TSEN34: variants seen among roughly 807,000 people sequenced by gnomAD.
TSEN34 encodes tRNA splicing endonuclease subunit 34, also known as tRNA-splicing endonuclease subunit Sen34.
TSEN34 carries 25 observed loss-of-function variants against 30.2 expected under a neutral mutation model. That is an observed-to-expected ratio of 0.83 (90% CI 0.60 to 1.16). The LOEUF (loss-of-function observed/expected upper bound fraction) is 1.16. Among genes scored for constraint, TSEN34 ranks in the 50% most tolerant of loss-of-function variants. TSEN34 has a pLI of 0.00. For missense variants in TSEN34, 475 were observed against 411.9 expected, an observed-to-expected ratio of 1.15 and a Z score of -1.33; for synonymous variants, 209 against 177.4, an observed-to-expected ratio of 1.18 and a Z score of -1.41.
At chr19:54,192,060 G>T in intron 2 of TSEN34, 56 bp from the exon 3 acceptor site, 16 of 1,614,146 alleles carry the variant, frequency 9.9e-6, no homozygotes, top group Non-Finnish European at 1.4e-5. Flanking sequence ...TCTCCCTGAG[G>T]GTGAGAAGAC....
upstream of TSEN34, chr19:54,190,261 G>T (rs2076613254): frequency 4.5e-6 from 5 of 1,115,874 alleles, no homozygotes; most frequent in Non-Finnish European, 6.5e-6. Context: ...GCGCTGATGG[G>T]GCGGGATGAC....
chr19:54,191,023 C>A, upstream of TSEN34: 1 of 1,176,842 alleles, frequency 8.5e-7, no homozygotes, highest in Non-Finnish European at 1.1e-6. Context: ...GTTTTTCACG[C>A]TCCAAGGCGC....
In TSEN34 at chr19:54,194,435, A is replaced by G. The variant is rs1464780243; in HGVS notation, c.*1073A>G. 1 of 152,162 alleles carries G rather than the reference A, an allele frequency of 6.6e-6. No homozygotes were observed. Among genetic ancestry groups the G allele is most frequent in the Non-Finnish European group, 1.5e-5 (1 of 68,012 alleles). The allele number at this position is 152,162 out of a possible 1,614,324, so 9.4% of individuals were successfully genotyped here. A position where few individuals can be genotyped will look rare whatever the true frequency, so the allele number is the denominator to read the frequency against. ...TAAAAGCTAAAACACATGTATTTGT[A>G]AAAAATTTGCACTTATGAAATCATT... On this transcript the variant is annotated 3_prime_UTR_variant, in exon 4 of 4. Coordinates refer to ENST00000396388, the MANE Select transcript of TSEN34 (RefSeq NM_001077446.4).
In TSEN34 at chr19:54,191,731, C is replaced by A. The variant is rs2147079302; in HGVS notation, c.254C>A (p.Ser85Tyr). The stretch of plus-strand genomic sequence containing the variant: ...AAGTGTGCTTCTCAGGCCCTGACAT[C>A]CTTCAAGCGCCAGCAAGAGGAGAGC... ...DSRHHSLALTSFKRQQEESFQ... is the reference protein window; with the variant it reads ...DSRHHSLALTYFKRQQEESFQ... The change falls in exon 2 of 4, where the codon TCC becomes TAC. Residue 85 changes from serine (S) to tyrosine (Y), a missense_variant. Ser to Tyr is a moderately radical substitution (Grantham distance 144, BLOSUM62 -2). Coordinates refer to ENST00000396388, the MANE Select transcript of TSEN34 (RefSeq NM_001077446.4). The A allele has an allele frequency of 1.2e-6, 2 of 1,614,080 alleles. No individual in the cohort carries two copies. The highest frequency in any genetic ancestry group is 1.7e-6 in the Non-Finnish European group (2 of 1,180,052).
Position 54,191,833 on chromosome 19 carries a change from G to A in TSEN34, c.356G>A (p.Gly119Asp), listed in dbSNP as rs778325434. Reference sequence around the variant, plus strand: ...GAGCTCCTGGAGAAGATTACGGAGGGCCAGGCTGCTAAGAAGCAGAAACTA... The same window carrying A: ...GAGCTCCTGGAGAAGATTACGGAGGACCAGGCTGCTAAGAAGCAGAAACTA... ...RQELLEKITE[G>D]QAAKKQKLEQ... Residue 119 changes from glycine to aspartate, a missense_variant, in exon 2 of 4, where the codon GGC becomes GAC. Physicochemically the swap from Gly to Asp is moderately conservative, Grantham distance 94. Coordinates refer to ENST00000396388, the MANE Select transcript of TSEN34 (RefSeq NM_001077446.4). 1.2e-5 allele frequency: 19 copies of A among 1,614,032 alleles called. No homozygotes were observed. The highest frequency in any genetic ancestry group is 3.3e-5 in the Admixed American group (2 of 59,998).
At chr19:54,190,791 G>C (rs2076643984), upstream of TSEN34, 2 of 1,108,974 alleles carry the variant, frequency 1.8e-6, no homozygotes, top group East Asian at 1.0e-4. Context: ...TGTACTGTGG[G>C]AGTCTGAGAG....
chr19:54,192,501 T>C, intron 3 of TSEN34, 128 bp downstream of exon 3: 1 of 1,278,206 alleles, frequency 7.8e-7, no homozygotes. Context: ...CTGGTCCCTA[T>C]TCCTGGGCTC....
At chr19:54,190,694 G>T (rs2076638750), upstream of TSEN34, 7 of 1,223,522 alleles carry the variant, frequency 5.7e-6, no homozygotes, top group Non-Finnish European at 7.1e-6. Flanking sequence ...AATTGCTGGC[G>T]TTCGAGAAGG....
upstream of TSEN34, chr19:54,190,830 C>G: frequency 9.4e-7 from 1 of 1,061,552 alleles, no homozygotes; most frequent in Non-Finnish European, 1.1e-6. Context: ...GAATCACAGT[C>G]GTTCGGAAAG....
chr19:54,193,181 C>T lies in TSEN34; in HGVS notation c.752C>T (p.Pro251Leu), dbSNP rs2076770460. 1.2e-6 allele frequency: 2 copies of T among 1,613,498 alleles called. No homozygotes were observed. The highest frequency in any genetic ancestry group is 2.2e-5 in the East Asian group (1 of 44,882). The change falls in exon 4 of 4, where the codon CCC (proline) becomes CTC (leucine). Residue 251 changes from proline to leucine, a missense_variant. Pro to Leu is a moderately conservative substitution (Grantham distance 98, BLOSUM62 -3). Coordinates refer to ENST00000396388, the MANE Select transcript of TSEN34 (RefSeq NM_001077446.4). ...GGDFLVYPGDPLRFHAHYIAQ... is the reference protein window; with the variant it reads ...GGDFLVYPGDLLRFHAHYIAQ... Reference sequence around the variant, plus strand: ...GCCTCTCTCCTTCCCCCAGGTGACCCCCTCCGCTTCCACGCCCATTATATC... The same window carrying T: ...GCCTCTCTCCTTCCCCCAGGTGACCTCCTCCGCTTCCACGCCCATTATATC...
In TSEN34 at chr19:54,192,098, C is replaced by T. The variant is rs761056180; in HGVS notation, c.488-18C>T. The T allele has an allele frequency of 1.4e-5, 23 of 1,614,240 alleles. No individual in the cohort carries two copies. The highest frequency in any genetic ancestry group is 1.9e-5 in the Non-Finnish European group (22 of 1,180,036). On this transcript the variant is annotated intron_variant, in intron 2 of 3. Coordinates refer to ENST00000396388, the MANE Select transcript of TSEN34 (RefSeq NM_001077446.4). ...TACCCCTTGAATTTACCAAACTCTTCTCTGTACTCCCCACCAGGCCCCTCG... is the reference window on the plus strand; with the variant it reads ...TACCCCTTGAATTTACCAAACTCTTTTCTGTACTCCCCACCAGGCCCCTCG...
chr19:54,190,063 C>A (rs2076604929), upstream of TSEN34: 1 of 530,452 alleles, frequency 1.9e-6, no homozygotes. Flanking sequence ...GACTTGCCCT[C>A]AAAGGGGCGG....
Position 54,191,606 on chromosome 19 carries a change from T to C in TSEN34, c.242T>C (p.Leu81Pro), listed in dbSNP as rs756191430. ...APRPDSRHHS[L>P]ALTSFKRQQE... ...CGTCCAGACTCTCGGCACCACAGCC[T>C]GGTAAGGGGGCGGGGCTCGAACTCG... The change falls in exon 1 of 4, where the codon CTG (leucine) becomes CCG (proline). Residue 81 changes from leucine (L) to proline (P), a missense_variant and splice_region_variant. Leu to Pro is a moderately conservative substitution (Grantham distance 98). Transcript: ENST00000396388. 1.2e-6 allele frequency: 2 copies of C among 1,603,692 alleles called. No homozygotes were observed. Among genetic ancestry groups the C allele is most frequent in the Non-Finnish European group, 1.7e-6 (2 of 1,179,142 alleles).
Position 54,192,734 on chromosome 19 carries a change from A to G in TSEN34, c.745+361A>G, listed in dbSNP as rs537599306. Among the ~76,000 whole-genome samples the G allele has an allele frequency of 1.3e-4, 20 of 152,288 alleles. No homozygotes were observed. The South Asian group carries it at 4.1e-3, about 32-fold the overall frequency. ...GTAGTTAGACATCAGGCTGGGCGCAATGGCTCACGCCTGTAATCCCAACAC... is the reference window on the plus strand; with the variant it reads ...GTAGTTAGACATCAGGCTGGGCGCAGTGGCTCACGCCTGTAATCCCAACAC... On this transcript the variant is annotated intron_variant, in intron 3 of 3. Transcript: ENST00000396388.
In TSEN34 at chr19:54,193,351, A is replaced by T. The variant is rs765535270; in HGVS notation, c.922A>T (p.Ser308Cys). Residue 308 changes from serine to cysteine, a missense_variant, in exon 4 of 4, where the codon AGC becomes TGC. By Grantham distance (112) the Ser-to-Cys change is moderately radical (BLOSUM62 -1). Coordinates refer to ENST00000396388, the MANE Select transcript of TSEN34 (RefSeq NM_001077446.4). The part of the protein sequence containing the change: ...KVVYTSLQWA[S>C]LQ Reference sequence around the variant, plus strand: ...GGTCTACACCTCCCTGCAATGGGCCAGCCTGCAGTGAACTCCAGAGACCTA... The same window carrying T: ...GGTCTACACCTCCCTGCAATGGGCCTGCCTGCAGTGAACTCCAGAGACCTA... 10 of 1,614,086 alleles carry T rather than the reference A, an allele frequency of 6.2e-6. No homozygotes were observed. The East Asian group carries it at 2.0e-4, about 32-fold the overall frequency.
At position 54,191,610 on chromosome 19, in the gene TSEN34, A is replaced by G; in HGVS notation, c.243+3A>G. 6.2e-7 allele frequency: 1 copy of G among 1,603,826 alleles called. No individual in the cohort carries two copies. The highest frequency in any genetic ancestry group is 1.1e-5 in the South Asian group (1 of 91,028). ...CAGACTCTCGGCACCACAGCCTGGT[A>G]AGGGGGCGGGGCTCGAACTCGGGTT... On this transcript the variant is annotated splice_donor_region_variant and intron_variant, in intron 1 of 3. Transcript: ENST00000396388.
At chr19:54,190,256 G>A, upstream of TSEN34, 1 of 1,069,554 alleles carries the variant, frequency 9.3e-7, no homozygotes, top group Non-Finnish European at 1.4e-6. Context: ...CCGCGGCGCT[G>A]ATGGGGCGGG....
chr19:54,193,077 T>C lies in TSEN34; in HGVS notation c.746-98T>C, dbSNP rs149633663. On this transcript the variant is annotated intron_variant, in intron 3 of 3. Coordinates refer to ENST00000396388, the MANE Select transcript of TSEN34 (RefSeq NM_001077446.4). ...ATCTGTTTTAGAGTATCTATAGTGA[T>C]GGCTGAAATGATCTCAGATCTCCTC... The C allele has an allele frequency of 6.9e-6, 11 of 1,599,066 alleles. No homozygotes were observed. In the South Asian group the frequency reaches 9.9e-5, roughly 14 times the overall value.
Position 54,191,401 on chromosome 19 carries a change from G to A in TSEN34, c.37G>A (p.Val13Met). The change falls in exon 1 of 4, where the codon GTG (valine) becomes ATG (methionine). Residue 13 changes from valine (V) to methionine (M), a missense_variant. Coordinates refer to ENST00000396388, the MANE Select transcript of TSEN34 (RefSeq NM_001077446.4). ...GGAGGTGGCGAACGGCCGCTCCCTG[G>A]TGTGGGGAGCCGAGGCGGTGCAGGC... is the stretch of plus-strand genomic sequence containing the variant. The part of the protein sequence containing the change: ...VVEVANGRSL[V>M]WGAEAVQALR... 6.5e-7 allele frequency: 1 copy of A among 1,549,530 alleles called. No individual in the cohort carries two copies. Among genetic ancestry groups the A allele is most frequent in the South Asian group, 1.2e-5 (1 of 84,182 alleles).
Sources: gnomAD v4.1 joint callset for allele counts (sites outside exome capture counted in the v4.1 genomes callset) on GRCh38, gnomAD v4.1.1 for gene constraint, MANE v1.5 for transcripts, NCBI Gene and HGNC (gene_info 2026-07-23, HGNC 2026-07-21) for gene names.